The following INPP4B variants were observed in gnomAD, a reference collection of about 807,000 sequenced individuals.
INPP4B encodes inositol polyphosphate 4-phosphatase type II.
Under a neutral mutation model 122.5 loss-of-function variants are expected in INPP4B, and 55 were observed. The ratio of observed to expected loss-of-function variants is 0.45; its 90% CI spans 0.36 to 0.56. The LOEUF (loss-of-function observed/expected upper bound fraction) is 0.56, where lower values mean the gene tolerates loss of function less well. Among genes scored for constraint, INPP4B ranks in the 20% least tolerant of loss-of-function variants. The pLI, the probability that INPP4B is intolerant of heterozygous loss-of-function variation, is 0.00. For synonymous variants in INPP4B, 403 were observed against 388.7 expected (o/e 1.04, Z -0.43); for missense variants, 1,000 against 1,097.7 (o/e 0.91, Z 1.26).
intron 12 of INPP4B, among the ~76,000 whole-genome samples, chr4:142,211,550 A>C (rs1844908074): frequency 6.6e-6 from 1 of 152,210 alleles, no homozygotes; most frequent in South Asian, 2.1e-4. Flanking sequence ...GGAAGAGAAG[A>C]AAGCAGCCAC....
intron 11 of INPP4B, among the ~76,000 whole-genome samples, chr4:142,255,205 C>T (rs991266656): frequency 1.3e-4 from 19 of 151,664 alleles, no homozygotes; most frequent in Admixed American, 1.3e-4. Context: ...CTGAAGGAAG[C>T]GCTAAACATG....
intron 2 of INPP4B, among the ~76,000 whole-genome samples, chr4:142,718,220 T>C (rs1764054875): frequency 6.6e-6 from 1 of 152,182 alleles, no homozygotes; most frequent in East Asian, 1.9e-4. Context: ...GGAAACCCCA[T>C]TCTCTCTGTT....
At chr4:142,607,726 T>C (rs1479635458) in intron 2 of INPP4B, among the ~76,000 whole-genome samples, 1 of 152,152 alleles carries the variant, frequency 6.6e-6, no homozygotes, top group Non-Finnish European at 1.5e-5. Context: ...AGGGCAATTA[T>C]AGAGAAGATA....
At chr4:142,147,043 C>T (rs895209160) in intron 17 of INPP4B, among the ~76,000 whole-genome samples, 1 of 152,112 alleles carries the variant, frequency 6.6e-6, no homozygotes, top group African/African-American at 2.4e-5. Flanking sequence ...GCTTCTCTTC[C>T]TACATCATCT....
Position 142,066,784 on chromosome 4 carries a change from T to A in INPP4B, c.2642+15247A>T, listed in dbSNP as rs547841382. ...GCAGCGAGGCTGAGGGAGGGGCATCTGCCATTGCCGAGGCTTCAGTAGGTA... is the reference window on the plus strand; with the variant it reads ...GCAGCGAGGCTGAGGGAGGGGCATCAGCCATTGCCGAGGCTTCAGTAGGTA... On this transcript the variant is annotated intron_variant, in intron 25 of 25. Transcript: ENST00000262992. Among the ~76,000 whole-genome samples the A allele has an allele frequency of 7.8e-4, 119 of 152,302 alleles. 3 individuals are homozygous for A. The South Asian group carries it at 0.024, about 31-fold the overall frequency.
At chr4:142,665,230 C>T (rs754598505) in intron 2 of INPP4B, among the ~76,000 whole-genome samples, 2 of 152,102 alleles carry the variant, frequency 1.3e-5, no homozygotes, top group Non-Finnish European at 2.9e-5. Flanking sequence ...CGGTGGCTCA[C>T]GCCAATAATC....
At chr4:142,212,311 C>A (rs954455633) in intron 12 of INPP4B, among the ~76,000 whole-genome samples, 1 of 152,144 alleles carries the variant, frequency 6.6e-6, no homozygotes. Flanking sequence ...GTCCCTGAGG[C>A]CTTAATTGAT....
chr4:142,690,574 T>C (rs1450509261), intron 2 of INPP4B, among the ~76,000 whole-genome samples: 2 of 152,148 alleles, frequency 1.3e-5, no homozygotes, highest in African/African-American at 4.8e-5. Flanking sequence ...CTTGATTTAG[T>C]GTCAATTTAA....
At chr4:142,033,563 C>T (rs1163454189) in intron 25 of INPP4B, among the ~76,000 whole-genome samples, 1 of 152,056 alleles carries the variant, frequency 6.6e-6, no homozygotes, top group Non-Finnish European at 1.5e-5. Flanking sequence ...TTCTCAACTT[C>T]CTTTGGGTCA....
chr4:142,536,187 T>C (rs1274570940), intron 2 of INPP4B, among the ~76,000 whole-genome samples: 1 of 152,208 alleles, frequency 6.6e-6, no homozygotes, highest in African/African-American at 2.4e-5. Flanking sequence ...ATTTCCCAAT[T>C]ATCTGTATAA....
intron 2 of INPP4B, among the ~76,000 whole-genome samples, chr4:142,658,662 T>C (rs373617913): frequency 6.6e-6 from 1 of 152,220 alleles, no homozygotes; most frequent in Non-Finnish European, 1.5e-5. Context: ...CAGGATGCAA[T>C]TGGAAGAATT....
chr4:142,616,042 T>C (rs1479554731), intron 2 of INPP4B, among the ~76,000 whole-genome samples: 1 of 152,004 alleles, frequency 6.6e-6, no homozygotes, highest in Non-Finnish European at 1.5e-5. Context: ...TGGACTCAGG[T>C]GTTAGATATT....
At chr4:142,207,233 A>G (rs2149507998) in intron 14 of INPP4B, among the ~76,000 whole-genome samples, 1 of 152,268 alleles carries the variant, frequency 6.6e-6, no homozygotes, top group Non-Finnish European at 1.5e-5. Flanking sequence ...ACGGTGAACA[A>G]TGCTGCAATG....
intron 7 of INPP4B, among the ~76,000 whole-genome samples, chr4:142,396,618 G>T (rs1441950186): frequency 6.6e-6 from 1 of 152,004 alleles, no homozygotes; most frequent in Non-Finnish European, 1.5e-5. Context: ...TTACCCAGAA[G>T]AATAAAAGCA....
At chr4:142,339,664 C>G (rs1778015044) in intron 7 of INPP4B, among the ~76,000 whole-genome samples, 1 of 152,106 alleles carries the variant, frequency 6.6e-6, no homozygotes, top group Non-Finnish European at 1.5e-5. Context: ...CATTTTAAAT[C>G]TGAAAGGAGA....
intron 2 of INPP4B, among the ~76,000 whole-genome samples, chr4:142,602,706 A>G (rs763381282): frequency 2.0e-5 from 3 of 152,182 alleles, no homozygotes; most frequent in Non-Finnish European, 4.4e-5. Flanking sequence ...TTAAAAAGTC[A>G]AAAAATAATA....
chr4:142,389,000 C>T (rs940368840), intron 7 of INPP4B, among the ~76,000 whole-genome samples: 5 of 152,112 alleles, frequency 3.3e-5, no homozygotes, highest in African/African-American at 9.7e-5. Flanking sequence ...CACCTGTTAT[C>T]CCAGGACTTT....
At chr4:142,814,059 A>G (rs974342927) in intron 1 of INPP4B, among the ~76,000 whole-genome samples, 4 of 152,164 alleles carry the variant, frequency 2.6e-5, no homozygotes, top group African/African-American at 9.6e-5. Context: ...CTGCAGGCTG[A>G]GGGGATTCTT....
chr4:142,244,444 C>G (rs531054467), intron 11 of INPP4B, among the ~76,000 whole-genome samples: 4 of 151,640 alleles, frequency 2.6e-5, no homozygotes, highest in African/African-American at 9.7e-5. Flanking sequence ...GGACTACAGG[C>G]GCCCACCATC....
Sources: allele counts gnomAD v4.1 joint callset (sites outside exome capture counted in the v4.1 genomes callset), GRCh38; gene constraint gnomAD v4.1.1; transcripts MANE v1.5; gene names NCBI Gene and HGNC (gene_info 2026-07-23, HGNC 2026-07-21).